The following TBC1D22A variants were observed in gnomAD, a reference collection of about 807,000 sequenced individuals.
The protein encoded by TBC1D22A is TBC1 domain family member 22A.
A neutral mutation model predicts 60.2 loss-of-function variants in TBC1D22A; 38 were observed. The ratio of observed to expected loss-of-function variants is 0.63; its 90% CI spans 0.49 to 0.83. The LOEUF (loss-of-function observed/expected upper bound fraction) is 0.83. Ranked by LOEUF, TBC1D22A falls within the 40% of genes least tolerant of loss-of-function variation. The probability of loss-of-function intolerance (pLI) is 0.00; values close to 1 mark genes in which losing one functional copy is unlikely to be tolerated. For missense variants in TBC1D22A, 628 were observed against 701.0 expected, an observed-to-expected ratio of 0.90 and a Z score of 1.18; for synonymous variants, 302 against 281.7, an observed-to-expected ratio of 1.07 and a Z score of -0.72.
chr22:46,952,571 G>T (rs1029759813), intron 8 of TBC1D22A, among the ~76,000 whole-genome samples: 2 of 152,192 alleles, frequency 1.3e-5, no homozygotes, highest in Admixed American at 6.5e-5. Context: ...GCTCTGAAAT[G>T]TCAGCTTTCT....
At chr22:47,161,593 C>T (rs2067987219) in intron 12 of TBC1D22A, among the ~76,000 whole-genome samples, 2 of 152,250 alleles carry the variant, frequency 1.3e-5, no homozygotes, top group Non-Finnish European at 2.9e-5. Flanking sequence ...TCAGGGACAA[C>T]CACCTAGTTT....
chr22:46,843,805 T>A (rs1041065435), intron 4 of TBC1D22A, among the ~76,000 whole-genome samples: 1 of 151,926 alleles, frequency 6.6e-6, no homozygotes, highest in Admixed American at 6.6e-5. Flanking sequence ...ATAAACTGCA[T>A]CTCATTCACA....
At position 47,028,579 on chromosome 22, in the gene TBC1D22A, G is replaced by A. The variant is rs980647607; in HGVS notation, c.1202-8492G>A. Among the ~76,000 whole-genome samples the A allele has an allele frequency of 5.3e-5, 8 of 152,072 alleles. No homozygotes were observed. The highest frequency in any genetic ancestry group is 5.9e-5 in the Non-Finnish European group (4 of 68,024). ...CTGTCCCTCGGTCCCTGTCCCCCACGGCCCAGGAATGAATCTGGTATGACC... is the reference window on the plus strand; with the variant it reads ...CTGTCCCTCGGTCCCTGTCCCCCACAGCCCAGGAATGAATCTGGTATGACC... On this transcript the variant is annotated intron_variant, in intron 10 of 12. Transcript: ENST00000337137. The surrounding 1 kb of genome is among the most constrained non-coding windows in gnomAD (Gnocchi z 4.4).
intron 12 of TBC1D22A, among the ~76,000 whole-genome samples, chr22:47,135,919 T>C (rs2066851756): frequency 6.6e-6 from 1 of 152,196 alleles, no homozygotes; most frequent in South Asian, 2.1e-4. Flanking sequence ...ACGTGCCATG[T>C]GCCAGGACCA....
At chr22:46,834,013 ATTC>A (rs975640023) in intron 4 of TBC1D22A, among the ~76,000 whole-genome samples, 5 of 151,926 alleles carry the variant, frequency 3.3e-5, no homozygotes, top group African/African-American at 1.2e-4. Context: ...TAGAATTCTT[ATTC>A]TTCTCAACAC....
At chr22:46,766,779 G>A (rs753919301) in intron 1 of TBC1D22A, among the ~76,000 whole-genome samples, 2 of 151,564 alleles carry the variant, frequency 1.3e-5, no homozygotes, top group African/African-American at 2.4e-5. Flanking sequence ...CTCATGATCC[G>A]CCCGCCTTGG....
intron 1 of TBC1D22A, among the ~76,000 whole-genome samples, chr22:46,774,783 C>T (rs896462225): frequency 6.6e-6 from 1 of 152,214 alleles, no homozygotes; most frequent in East Asian, 1.9e-4. Context: ...TCTGTTCCCA[C>T]GGGTCCCTCC....
chr22:47,027,860 G>A (rs2062311436), intron 10 of TBC1D22A, among the ~76,000 whole-genome samples: 2 of 152,174 alleles, frequency 1.3e-5, no homozygotes, highest in Non-Finnish European at 2.9e-5. Context: ...CTAGGGCCAG[G>A]CCTGCCTTCT....
chr22:46,960,697 A>G (rs1021403567), intron 8 of TBC1D22A, among the ~76,000 whole-genome samples: 2 of 152,196 alleles, frequency 1.3e-5, no homozygotes, highest in African/African-American at 4.8e-5. Context: ...CTGTAATCCC[A>G]GCATTTTTGG....
chr22:46,843,640 A>G (rs1054260900), intron 4 of TBC1D22A, among the ~76,000 whole-genome samples: 5 of 151,956 alleles, frequency 3.3e-5, no homozygotes, highest in African/African-American at 7.3e-5. Context: ...GGGTTTTTCA[A>G]TAGAGGGGCC....
At chr22:46,885,406 A>G (rs1386946066) in intron 5 of TBC1D22A, among the ~76,000 whole-genome samples, 2 of 152,176 alleles carry the variant, frequency 1.3e-5, no homozygotes, top group African/African-American at 4.8e-5. Flanking sequence ...AGGGACAGTG[A>G]CGGCCTTCTG....
chr22:46,894,730 G>T, intron 6 of TBC1D22A, 54 bp from the exon 7 acceptor site: 1 of 1,601,164 alleles, frequency 6.2e-7, no homozygotes, highest in Non-Finnish European at 8.6e-7. Flanking sequence ...CATATCGCTC[G>T]TAATGATGTT....
At chr22:47,017,154 C>T (rs2061935154) in intron 10 of TBC1D22A, among the ~76,000 whole-genome samples, 1 of 152,228 alleles carries the variant, frequency 6.6e-6, no homozygotes, top group Non-Finnish European at 1.5e-5. Flanking sequence ...TGATGCTCTA[C>T]ATTTCCCAAG....
At chr22:46,804,147 TC>T (rs1453290002) in intron 4 of TBC1D22A, among the ~76,000 whole-genome samples, 1 of 152,110 alleles carries the variant, frequency 6.6e-6, no homozygotes, top group African/African-American at 2.4e-5. Context: ...GTTTGCGTTT[TC>T]CCCCCGTGGC....
intron 8 of TBC1D22A, among the ~76,000 whole-genome samples, chr22:46,923,633 G>T (rs114434108): frequency 6.6e-6 from 1 of 152,376 alleles, no homozygotes; most frequent in African/African-American, 2.4e-5. Flanking sequence ...TCACTCAGGG[G>T]TTACTGTCCT....
At chr22:46,834,501 A>G (rs910777484) in intron 4 of TBC1D22A, among the ~76,000 whole-genome samples, 3 of 152,182 alleles carry the variant, frequency 2.0e-5, no homozygotes, top group Non-Finnish European at 2.9e-5. Context: ...ATTTCTCTCA[A>G]AAGGGAAGGT....
intron 4 of TBC1D22A, 61 bp downstream of exon 4, chr22:46,797,681 C>A: frequency 1.3e-6 from 2 of 1,493,040 alleles, no homozygotes; most frequent in Non-Finnish European, 1.8e-6. Flanking sequence ...TGAAATAGAT[C>A]ACATCTTAAA....
intron 7 of TBC1D22A, among the ~76,000 whole-genome samples, chr22:46,903,723 C>T (rs914533145): frequency 3.3e-5 from 5 of 152,186 alleles, no homozygotes; most frequent in Admixed American, 1.3e-4. Flanking sequence ...TGGGCCGCTG[C>T]TGTGAGACAG....
rs577840132 is a variant in TBC1D22A, at chr22:46,932,472, T to G, written c.1015+20284T>G. ...CACGAGTGACAGTGGTGTGTAGGGTTTTTTGGTGGAGTACCGTTTTCCTCA... is the reference window on the plus strand; with the variant it reads ...CACGAGTGACAGTGGTGTGTAGGGTGTTTTGGTGGAGTACCGTTTTCCTCA... On this transcript the variant is annotated intron_variant, in intron 8 of 12. Transcript: ENST00000337137. Among the ~76,000 whole-genome samples, 4 of 152,282 alleles carry G rather than the reference T, an allele frequency of 2.6e-5. No homozygotes were observed. In the South Asian group the frequency reaches 8.3e-4, roughly 32 times the overall value.
Sources: allele counts gnomAD v4.1 joint callset (sites outside exome capture counted in the v4.1 genomes callset), GRCh38; gene constraint gnomAD v4.1.1; non-coding constraint Gnocchi (gnomAD v3.1); transcripts MANE v1.5; gene names NCBI Gene and HGNC (gene_info 2026-07-23, HGNC 2026-07-21).